MAST3: variants seen among roughly 807,000 people sequenced by gnomAD.
MAST3 encodes the protein microtubule-associated serine/threonine-protein kinase 3.
Under a neutral mutation model 127.0 loss-of-function variants are expected in MAST3, and 43 were observed. The observed-to-expected ratio is 0.34, with a 90% CI of 0.27 to 0.44. MAST3 has a LOEUF of 0.44. Among genes scored for constraint, MAST3 ranks in the 20% least tolerant of loss-of-function variants. The probability of loss-of-function intolerance (pLI) is 1.00; values close to 1 mark genes in which losing one functional copy is unlikely to be tolerated. For missense variants in MAST3, 1,390 were observed against 1,919.1 expected (o/e 0.72, Z 5.15); for synonymous variants, 785 against 809.2 (o/e 0.97, Z 0.51).
chr19:18,135,007 T>TTTGAGCTGCAGCCC, intron 17 of MAST3, 25 bp downstream of exon 17: 1 of 1,569,264 alleles, frequency 6.4e-7, no homozygotes, highest in Non-Finnish European at 8.7e-7. Context: ...CGGGCCTGGG[T>TTTGAGCTGCAGCCC]TTGAGCTGCA....
At chr19:18,147,645 C>G (rs749402237) in intron 27 of MAST3, 21 bp downstream of exon 27, 8 of 1,500,298 alleles carry the variant, frequency 5.3e-6, no homozygotes, top group South Asian at 5.2e-5. Context: ...CCCGACCCCC[C>G]ACCACCCCGG....
At chr19:18,137,879 CT>C (rs940279569) in intron 19 of MAST3, among the ~76,000 whole-genome samples, 4 of 152,188 alleles carry the variant, frequency 2.6e-5, no homozygotes, top group African/African-American at 9.7e-5. Flanking sequence ...GTTTCCTCTT[CT>C]GTAAAATGAG....
chr19:18,145,081 C>T lies in MAST3; in HGVS notation c.2891C>T (p.Ser964Leu). Reference sequence around the variant, plus strand: ...TCGAACCCGTCGTCCCGTGACTCTTCGCCGAGCCGAGACCCGTCCCCCGTG... The same window carrying T: ...TCGAACCCGTCGTCCCGTGACTCTTTGCCGAGCCGAGACCCGTCCCCCGTG... ...LSSNPSSRDS[S>L]PSRDPSPVCG... The change falls in exon 24 of 28, where the codon TCG (serine) becomes TTG (leucine). Residue 964 changes from serine (S) to leucine (L), a missense_variant. Physicochemically the swap from Ser to Leu is moderately radical, Grantham distance 145. Coordinates refer to ENST00000687212, the MANE Select transcript of MAST3 (RefSeq NM_001393504.1). The surrounding 1 kb of genome is among the most constrained non-coding windows in gnomAD (Gnocchi z 5.9). The T allele has an allele frequency of 6.2e-7, 1 of 1,613,208 alleles. No homozygotes were observed. Among genetic ancestry groups the T allele is most frequent in the Non-Finnish European group, 8.5e-7 (1 of 1,179,868 alleles).
At chr19:18,100,340 G>A (rs1433769732) in intron 1 of MAST3, among the ~76,000 whole-genome samples, 7 of 151,754 alleles carry the variant, frequency 4.6e-5, no homozygotes, top group Admixed American at 4.6e-4. Flanking sequence ...TGGCCAGGCT[G>A]GTATCAAACT....
rs894673559 is a variant in MAST3, at chr19:18,141,974, C to T, written c.2298C>T (p.Arg766=). Residue 766 remains arginine, a synonymous_variant, in exon 21 of 28, where the codon CGC becomes CGT. Coordinates refer to ENST00000687212, the MANE Select transcript of MAST3 (RefSeq NM_001393504.1). ...FSEDREEGWE[R]SEVDYGRRLS... is the part of the protein sequence containing the mutation. Reference sequence around the variant, plus strand: ...AAGACCGGGAGGAGGGGTGGGAGCGCAGCGAAGTGGACTATGGCCGCCGGC... The same window carrying T: ...AAGACCGGGAGGAGGGGTGGGAGCGTAGCGAAGTGGACTATGGCCGCCGGC... 6.5e-7 allele frequency: 1 copy of T among 1,548,636 alleles called. No homozygotes were observed. The highest frequency in any genetic ancestry group is 1.4e-5 in the African/African-American group (1 of 72,426).
rs2042092295 is a variant in MAST3 at position 18,138,268 on chromosome 19, A to G, written c.2096-747A>G. On this transcript the variant is annotated intron_variant, in intron 19 of 27. Coordinates refer to ENST00000687212, the MANE Select transcript of MAST3 (RefSeq NM_001393504.1). ...ACCTAATTCTGTGTGACCCATTTCA[A>G]GGAATCACTGAAGCTCAGAAATAGG... 2.0e-5 allele frequency among the ~76,000 whole-genome samples: 3 copies of G among 150,128 alleles called. No homozygotes were observed. The South Asian group carries it at 6.3e-4, about 31-fold the overall frequency.
chr19:18,141,810 C>T (rs2042522933), intron 20 of MAST3, 72 bp from the exon 21 acceptor site: 1 of 1,224,452 alleles, frequency 8.2e-7, no homozygotes, highest in Non-Finnish European at 1.1e-6. Flanking sequence ...CCCAGCTGGG[C>T]CTCTGAAAGT....
chr19:18,140,114 C>T (rs1035788976), intron 20 of MAST3, among the ~76,000 whole-genome samples: 9 of 152,050 alleles, frequency 5.9e-5, no homozygotes, highest in South Asian at 4.1e-4. Flanking sequence ...CCACCGTGCC[C>T]GGCCTGTTTT....
At position 18,145,746 on chromosome 19, in the gene MAST3, G is replaced by A; in HGVS notation, c.3043G>A (p.Val1015Met). 1 of 1,585,874 alleles carries A rather than the reference G, an allele frequency of 6.3e-7. No homozygotes were observed. Among genetic ancestry groups the A allele is most frequent in the Non-Finnish European group, 8.5e-7 (1 of 1,169,732 alleles). ...VYTVHHVVWS[V>M]EDGSPAQEAG... ...CACCGTTCTCGTCTGCCCCCAGAGT[G>A]TGGAGGACGGAAGCCCCGCCCAGGA... Residue 1015 changes from valine (V) to methionine (M), a missense_variant, in exon 25 of 28, where the codon GTG becomes ATG. By Grantham distance (21) the Val-to-Met change is conservative. Transcript: ENST00000687212. This position sits in a 1 kb window ranked among gnomAD's most constrained non-coding sequence, Gnocchi z 5.9.
At position 18,110,485 on chromosome 19, in the gene MAST3, C is replaced by G. The variant is rs1366725874; in HGVS notation, c.72-167C>G. 1.1e-6 allele frequency: 1 copy of G among 938,818 alleles called. No homozygotes were observed. The highest frequency in any genetic ancestry group is 1.2e-4 in the East Asian group (1 of 8,620). 58.2% of individuals were successfully genotyped at this position (938,818 alleles called of 1,614,324 possible). On this transcript the variant is annotated intron_variant, in intron 2 of 27. Transcript: ENST00000687212. This position sits in a 1 kb window ranked among gnomAD's most constrained non-coding sequence, Gnocchi z 4.3. Reference sequence around the variant, plus strand: ...CGCACCGCCGCCTCCGGGGAGCCCTCCCGGGCCATCGGTCTGGCCCCGCCC... The same window carrying G: ...CGCACCGCCGCCTCCGGGGAGCCCTGCCGGGCCATCGGTCTGGCCCCGCCC...
At chr19:18,143,720 G>A (rs1287428579) in intron 21 of MAST3, 43 bp from the exon 22 acceptor site, 2 of 1,609,150 alleles carry the variant, frequency 1.2e-6, no homozygotes, top group East Asian at 2.2e-5. Context: ...ATCCTGGGGT[G>A]CAGGTGCCTG....
At chr19:18,129,275 TGGCA>T in intron 13 of MAST3, 1 of 307,274 alleles carries the variant, frequency 3.3e-6, no homozygotes, top group East Asian at 6.9e-5. Context: ...CTGCTTTGAA[TGGCA>T]GGCTTGCATA....
Position 18,145,940 on chromosome 19 carries a change from T to C in MAST3, c.3162+75T>C. On this transcript the variant is annotated intron_variant, in intron 25 of 27. Transcript: ENST00000687212. The surrounding 1 kb of genome is among the most constrained non-coding windows in gnomAD (Gnocchi z 5.9). Reference sequence around the variant, plus strand: ...CGCAGCTCCCGGTTCCCCGTGGTTCTCCGCGTCCAGACACACAACCCCACA... The same window carrying C: ...CGCAGCTCCCGGTTCCCCGTGGTTCCCCGCGTCCAGACACACAACCCCACA... The C allele has an allele frequency of 3.4e-6, 5 of 1,479,792 alleles. No homozygotes were observed. Among genetic ancestry groups the C allele is most frequent in the Non-Finnish European group, 4.5e-6 (5 of 1,120,534 alleles). The allele number at this position is 1,479,792 out of a possible 1,614,324, so 91.7% of individuals were successfully genotyped here.
In MAST3 at chr19:18,128,294, C is replaced by A. The variant is rs1195694604; in HGVS notation, c.1079-106C>A. 3.3e-5 allele frequency: 28 copies of A among 838,852 alleles called. No homozygotes were observed. In the Middle Eastern group the frequency reaches 7.2e-4, roughly 22 times the overall value. The allele number at this position is 838,852 out of a possible 1,614,324, so 52.0% of individuals were successfully genotyped here. ...TCATGAGAGCTGGTCAGGGGAGGCA[C>A]TGCATCCCCAGCCTGGGGTGAGAAC... On this transcript the variant is annotated intron_variant, in intron 11 of 27. Coordinates refer to ENST00000687212, the MANE Select transcript of MAST3 (RefSeq NM_001393504.1).
At chr19:18,122,568 T>G (rs2040127287) in intron 5 of MAST3, 105 bp from the exon 6 acceptor site, 1 of 942,052 alleles carries the variant, frequency 1.1e-6, no homozygotes. Flanking sequence ...CAGGAGATCC[T>G]TCCTACAACA....
In MAST3 at chr19:18,149,339, C is replaced by T; in HGVS notation, c.3657C>T (p.Thr1219=). 1 of 1,522,934 alleles carries T rather than the reference C, an allele frequency of 6.6e-7. No individual in the cohort carries two copies. Among genetic ancestry groups the T allele is most frequent in the Non-Finnish European group, 8.8e-7 (1 of 1,137,148 alleles). The allele number at this position is 1,522,934 out of a possible 1,614,324, so 94.3% of individuals were successfully genotyped here. The change falls in exon 28 of 28, where the codon ACC becomes ACT. Residue 1219 remains threonine (T), a synonymous_variant. Coordinates refer to ENST00000687212, the MANE Select transcript of MAST3 (RefSeq NM_001393504.1). The surrounding 1 kb of genome is among the most constrained non-coding windows in gnomAD (Gnocchi z 5.9). ...CCAAGACTGGCCGCCGCAAGTCCAC[C>T]AGCAGCATCCCGCCCTCCCCGCTGG... ...PRPKTGRRKS[T]SSIPPSPLAC...
chr19:18,129,003 G>A, intron 13 of MAST3, 52 bp downstream of exon 13: 1 of 1,508,500 alleles, frequency 6.6e-7, no homozygotes, highest in Non-Finnish European at 9.2e-7. Flanking sequence ...TGAGGGGATG[G>A]TTGAGGCCCA....
chr19:18,107,642 G>A lies in MAST3; in HGVS notation c.71+24G>A, dbSNP rs778219542. The A allele has an allele frequency of 7.5e-6, 12 of 1,609,824 alleles. No homozygotes were observed. The African/African-American group carries it at 9.4e-5, about 13-fold the overall frequency. ...GGGTGAGTTCACCTGGGACTGGCGG[G>A]CTGGGTGGGCCCCAGTGGTCTTGGA... On this transcript the variant is annotated intron_variant, in intron 2 of 27. Coordinates refer to ENST00000687212, the MANE Select transcript of MAST3 (RefSeq NM_001393504.1).
At chr19:18,118,222 G>A (rs2039527978) in intron 3 of MAST3, 2 of 985,454 alleles carry the variant, frequency 2.0e-6, no homozygotes, top group Non-Finnish European at 2.4e-6. Flanking sequence ...GGAGCCGCCT[G>A]GCAAAAGGCG....
Sources: gnomAD v4.1 joint callset for allele counts (sites outside exome capture counted in the v4.1 genomes callset) on GRCh38, gnomAD v4.1.1 for gene constraint, Gnocchi (gnomAD v3.1) non-coding constraint, MANE v1.5 for transcripts, NCBI Gene and HGNC (gene_info 2026-07-23, HGNC 2026-07-21) for gene names.